Variants in ASPA observed in about 807,000 individuals in gnomAD.
ASPA encodes the protein ACY-2.
ASPA carries 25 observed loss-of-function variants against 29.6 expected under a neutral mutation model. The observed-to-expected ratio is 0.85, with a 90% CI of 0.62 to 1.18. The LOEUF is 1.18. Ranked by LOEUF, ASPA falls within the 50% of genes most tolerant of loss-of-function variation. The pLI, the probability that ASPA is intolerant of heterozygous loss-of-function variation, is 0.00. For synonymous variants in ASPA, 131 were observed against 130.3 expected (o/e 1.01, Z -0.04); for missense variants, 333 against 385.7 (o/e 0.86, Z 1.14).
chr17:3,493,300 C>T (rs368223011), intron 4 of ASPA, among the ~76,000 whole-genome samples: 12 of 152,088 alleles, frequency 7.9e-5, no homozygotes, highest in African/African-American at 2.7e-4. Context: ...TGGTGGCTCA[C>T]GCCTGTAATC....
At position 3,502,126 on chromosome 17, in the gene ASPA, G is replaced by GTGGTTGGCC. The variant is rs1395192552; in HGVS notation, c.*3038_*3039insTGGTTGGCC. 1.1e-4 allele frequency: 16 copies of GTGGTTGGCC among 152,202 alleles called. No homozygotes were observed. Among genetic ancestry groups the GTGGTTGGCC allele is most frequent in the Non-Finnish European group, 1.5e-5 (1 of 68,032 alleles). The allele number at this position is 152,202 out of a possible 1,614,324, so 9.4% of individuals were successfully genotyped here. A position where few individuals can be genotyped will look rare whatever the true frequency, so the allele number is the denominator to read the frequency against. On this transcript the variant is annotated 3_prime_UTR_variant, in exon 6 of 6. Coordinates refer to ENST00000263080, the MANE Select transcript of ASPA (RefSeq NM_000049.4). ...CCAACCCTCAGTGCCCAACCACCCTGATCAGGCAGCCATCATCAAGGCAAG... is the reference window on the plus strand; with the variant it reads ...CCAACCCTCAGTGCCCAACCACCCTGTGGTTGGCCATCAGGCAGCCATCATCAAGGCAAG...
chr17:3,491,474 C>T (rs995355495), intron 4 of ASPA, among the ~76,000 whole-genome samples: 2 of 152,034 alleles, frequency 1.3e-5, no homozygotes, highest in African/African-American at 4.8e-5. Context: ...TGGCCAGGCG[C>T]GGTGGCTCAT....
chr17:3,478,336 A>C (rs2073567669), intron 1 of ASPA, among the ~76,000 whole-genome samples: 1 of 152,222 alleles, frequency 6.6e-6, no homozygotes, highest in Non-Finnish European at 1.5e-5. Context: ...CTCTTAATAG[A>C]AACATGCCTC....
intron 5 of ASPA, among the ~76,000 whole-genome samples, chr17:3,495,664 G>A (rs2073896966): frequency 1.3e-5 from 2 of 152,204 alleles, no homozygotes; most frequent in South Asian, 2.1e-4. Flanking sequence ...CACCTCCCGG[G>A]TTCAAGCAAT....
upstream of ASPA, chr17:3,475,564 T>G (rs1246628062): frequency 6.5e-6 from 1 of 153,478 alleles, no homozygotes; most frequent in Non-Finnish European, 1.5e-5. Context: ...TGAAAAAGCA[T>G]TCTGAAAGAA....
chr17:3,481,891 G>A (rs372299401), intron 2 of ASPA, 93 bp downstream of exon 2: 2 of 1,212,318 alleles, frequency 1.6e-6, no homozygotes, highest in South Asian at 1.4e-5. Context: ...AGTTATGAGG[G>A]AAGGTGCAAG....
chr17:3,491,877 C>CTTTTTTTTT (rs540965896), intron 4 of ASPA, among the ~76,000 whole-genome samples: 3 of 123,044 alleles, frequency 2.4e-5, no homozygotes, highest in Non-Finnish European at 4.9e-5. Context: ...CTTTTGTTTT[C>CTTTTTTTTT]TTTTTTTTTT....
chr17:3,480,232 C>T (rs2073603558), intron 1 of ASPA, among the ~76,000 whole-genome samples: 2 of 152,306 alleles, frequency 1.3e-5, no homozygotes, highest in Non-Finnish European at 2.9e-5. Flanking sequence ...GCTGCCCAGA[C>T]AGAGCTGATT....
At chr17:3,484,195 A>C (rs538467555) in intron 3 of ASPA, among the ~76,000 whole-genome samples, 1 of 152,038 alleles carries the variant, frequency 6.6e-6, no homozygotes, top group African/African-American at 2.4e-5. Flanking sequence ...CTCCTATAGA[A>C]CTTTCCCTGA....
At chr17:3,496,415 A>G (rs971783952) in intron 5 of ASPA, among the ~76,000 whole-genome samples, 5 of 152,238 alleles carry the variant, frequency 3.3e-5, no homozygotes, top group Admixed American at 6.5e-5. Flanking sequence ...GTGGTCACAA[A>G]GTGCCATCTC....
At chr17:3,481,190 C>T (rs778315995) in intron 1 of ASPA, among the ~76,000 whole-genome samples, 5 of 152,124 alleles carry the variant, frequency 3.3e-5, no homozygotes, top group Admixed American at 1.3e-4. Context: ...TATTTGTGCA[C>T]TAGAATTAGC....
At chr17:3,482,286 C>T (rs530678204) in intron 2 of ASPA, among the ~76,000 whole-genome samples, 2 of 152,256 alleles carry the variant, frequency 1.3e-5, no homozygotes, top group Admixed American at 1.3e-4. Context: ...AGATTGCCTC[C>T]CTTTAGTCCT....
At chr17:3,477,492 T>C (rs1315229453) in intron 1 of ASPA, among the ~76,000 whole-genome samples, 1 of 152,154 alleles carries the variant, frequency 6.6e-6, no homozygotes, top group African/African-American at 2.4e-5. Flanking sequence ...TCGCTCTTGT[T>C]GCCCAGTCTG....
intron 2 of ASPA, 108 bp from the exon 3 acceptor site, chr17:3,483,391 T>A: frequency 1.1e-6 from 1 of 917,104 alleles, no homozygotes; most frequent in Non-Finnish European, 1.8e-6. Flanking sequence ...GTCTTACCAA[T>A]CTTAGTTGAT....
At position 3,499,139 on chromosome 17, in the gene ASPA, C is replaced by A; in HGVS notation, c.*51C>A. 1 of 1,566,620 alleles carries A rather than the reference C, an allele frequency of 6.4e-7. No homozygotes were observed. Among genetic ancestry groups the A allele is most frequent in the South Asian group, 1.2e-5 (1 of 86,758 alleles). On this transcript the variant is annotated 3_prime_UTR_variant, in exon 6 of 6. Transcript: ENST00000263080. Reference sequence around the variant, plus strand: ...ACGGTGTCTTACAAATTCTGCTAGTCTGTAAGCTCCTTAAGAGTAGGGTTG... The same window carrying A: ...ACGGTGTCTTACAAATTCTGCTAGTATGTAAGCTCCTTAAGAGTAGGGTTG...
chr17:3,476,922 G>T (rs1243046234), intron 1 of ASPA, among the ~76,000 whole-genome samples: 1 of 152,166 alleles, frequency 6.6e-6, no homozygotes, highest in East Asian at 1.9e-4. Flanking sequence ...TTGGGAGGCC[G>T]AGGCAGGCGG....
intron 3 of ASPA, among the ~76,000 whole-genome samples, chr17:3,484,827 T>C (rs918525453): frequency 2.0e-5 from 3 of 152,112 alleles, no homozygotes; most frequent in African/African-American, 7.2e-5. Context: ...AAAAGGAATA[T>C]CATATACAAG....
chr17:3,498,967 G>T lies in ASPA; in HGVS notation c.821G>T (p.Gly274Val). ...GATGGGAAGACGATCCCACTGGGCG[G>T]AGACTGTACCGTGTACCCCGTGTTT... ...TLDGKTIPLG[G>V]DCTVYPVFVN... Residue 274 changes from glycine (G) to valine (V), a missense_variant, in exon 6 of 6, where the codon GGA becomes GTA. Physicochemically the swap from Gly to Val is moderately radical, Grantham distance 109. Transcript: ENST00000263080. 1 of 1,614,088 alleles carries T rather than the reference G, an allele frequency of 6.2e-7. No homozygotes were observed.
chr17:3,485,941 T>C lies in ASPA; in HGVS notation c.526+2349T>C, dbSNP rs957419469. ...TGCATTCTAGGAGGGAACCTTTTTT[T>C]TTTTTTTTGAGACGGAGTTTCGCTC... On this transcript the variant is annotated intron_variant, in intron 3 of 5. Transcript: ENST00000263080. This position sits in a 1 kb window ranked among gnomAD's most constrained non-coding sequence, Gnocchi z 4.4. 2.0e-5 allele frequency among the ~76,000 whole-genome samples: 3 copies of C among 151,690 alleles called. No homozygotes were observed. Among genetic ancestry groups the C allele is most frequent in the Non-Finnish European group, 4.4e-5 (3 of 67,914 alleles).
Sources: gnomAD v4.1 joint callset for allele counts (sites outside exome capture counted in the v4.1 genomes callset) on GRCh38, gnomAD v4.1.1 for gene constraint, Gnocchi (gnomAD v3.1) non-coding constraint, MANE v1.5 for transcripts, NCBI Gene and HGNC (gene_info 2026-07-23, HGNC 2026-07-21) for gene names.